The following WASF2 variants were observed in gnomAD, a reference collection of about 807,000 sequenced individuals.
WASF2 encodes the protein actin-binding protein WASF2.
A neutral mutation model predicts 45.0 loss-of-function variants in WASF2; 14 were observed. The observed-to-expected ratio is 0.31, with a 90% CI of 0.21 to 0.49. The LOEUF is 0.49. Among genes scored for constraint, WASF2 ranks in the 20% least tolerant of loss-of-function variants. WASF2 has a pLI of 0.99. For missense variants in WASF2, 439 were observed against 636.1 expected (o/e 0.69, Z 3.33); for synonymous variants, 200 against 236.3 (o/e 0.85, Z 1.41).
intron 4 of WASF2, 52 bp downstream of exon 4, chr1:27,418,217 C>A: frequency 6.4e-7 from 1 of 1,553,564 alleles, no homozygotes; most frequent in Non-Finnish European, 8.7e-7. Context: ...AAAAAAAAAT[C>A]TAGCGTTATT....
At chr1:27,453,051 C>T (rs1238178524) in intron 1 of WASF2, among the ~76,000 whole-genome samples, 2 of 149,350 alleles carry the variant, frequency 1.3e-5, no homozygotes, top group African/African-American at 4.9e-5. Flanking sequence ...ACTAAAAATA[C>T]AAAAAATTAC....
At chr1:27,413,970 AT>A (rs1197621774) in intron 6 of WASF2, among the ~76,000 whole-genome samples, 1 of 152,230 alleles carries the variant, frequency 6.6e-6, no homozygotes, top group African/African-American at 2.4e-5. Context: ...AAGTGTCAAG[AT>A]TTTTAAAAGT....
chr1:27,408,126 G>A lies in WASF2; in HGVS notation c.*63C>T. 6.3e-7 allele frequency: 1 copy of A among 1,578,062 alleles called. No individual in the cohort carries two copies. The highest frequency in any genetic ancestry group is 1.3e-5 in the African/African-American group (1 of 74,230). On this transcript the variant is annotated 3_prime_UTR_variant, in exon 9 of 9. Transcript: ENST00000618852. The stretch of plus-strand genomic sequence containing the variant: ...TTTCTCCCCCTACGGGTCTGTTGGG[G>A]TTGGCATCAAAGAAGGCAGGTAGGA...
At position 27,486,649 on chromosome 1, in the gene WASF2, C is replaced by T. The variant is rs111981963; in HGVS notation, c.-44+3337G>A. On this transcript the variant is annotated intron_variant, in intron 1 of 8. Transcript: ENST00000618852. The stretch of plus-strand genomic sequence containing the variant: ...AAATATAGCTAAAGACTCAGCTGGG[C>T]GTGGTGGCTCACGCCTGTAATCCCA... 5.5e-3 allele frequency among the ~76,000 whole-genome samples: 838 copies of T among 152,122 alleles called. 5 individuals are homozygous for T. The highest frequency in any genetic ancestry group is 0.018 in the African/African-American group (744 of 41,530).
Position 27,438,086 on chromosome 1 carries a change from A to G in WASF2, c.-43-9153T>C, listed in dbSNP as rs1418325548. ...ACCCAGAAATTTGAGATAAGAGGACAGATACAAAATGCATTCCTCTCCAAG... is the reference window on the plus strand; with the variant it reads ...ACCCAGAAATTTGAGATAAGAGGACGGATACAAAATGCATTCCTCTCCAAG... On this transcript the variant is annotated intron_variant, in intron 1 of 8. Coordinates refer to ENST00000618852, the MANE Select transcript of WASF2 (RefSeq NM_006990.5). Among the ~76,000 whole-genome samples the G allele has an allele frequency of 3.3e-5, 5 of 152,338 alleles. No individual in the cohort carries two copies. In the East Asian group the frequency reaches 9.6e-4, roughly 29 times the overall value.
intron 1 of WASF2, among the ~76,000 whole-genome samples, chr1:27,431,625 G>T (rs765554647): frequency 1.7e-4 from 26 of 152,186 alleles, no homozygotes; most frequent in Non-Finnish European, 3.1e-4. Flanking sequence ...ATGCTGTGCT[G>T]AATGTGACCA....
At chr1:27,419,622 C>T (rs896268719) in intron 2 of WASF2, among the ~76,000 whole-genome samples, 1 of 152,062 alleles carries the variant, frequency 6.6e-6, no homozygotes, top group African/African-American at 2.4e-5. Context: ...ATAAAATAAA[C>T]ACTACACATT....
At chr1:27,423,251 G>T (rs1274588987) in intron 2 of WASF2, among the ~76,000 whole-genome samples, 1 of 150,952 alleles carries the variant, frequency 6.6e-6, no homozygotes, top group African/African-American at 2.4e-5. Context: ...AGGCTGGAAT[G>T]CAATGGCACA....
intron 1 of WASF2, among the ~76,000 whole-genome samples, chr1:27,462,950 G>A (rs1301497884): frequency 1.3e-5 from 2 of 152,046 alleles, no homozygotes; most frequent in South Asian, 4.1e-4. Flanking sequence ...CTCCCAAGTA[G>A]CTGGGATTAC....
intron 1 of WASF2, among the ~76,000 whole-genome samples, chr1:27,454,925 AT>A (rs1259463971): frequency 6.6e-6 from 1 of 152,078 alleles, no homozygotes; most frequent in African/African-American, 2.4e-5. Context: ...CAGTGTTGCT[AT>A]GGATGTTTTT....
chr1:27,487,239 T>TACAGGCACCCGCCACC (rs2017942573), intron 1 of WASF2, among the ~76,000 whole-genome samples: 1 of 145,990 alleles, frequency 6.8e-6, no homozygotes, highest in South Asian at 2.1e-4. Flanking sequence ...TAGCCGGGAC[T>TACAGGCACCCGCCACC]ACAGGCACCC....
intron 2 of WASF2, among the ~76,000 whole-genome samples, chr1:27,424,867 G>A (rs1255938565): frequency 1.3e-5 from 2 of 152,128 alleles, no homozygotes; most frequent in African/African-American, 4.8e-5. Context: ...GGATAATATA[G>A]GCATGTAACG....
intron 1 of WASF2, among the ~76,000 whole-genome samples, chr1:27,463,090 A>T (rs1435651872): frequency 1.3e-5 from 2 of 152,134 alleles, no homozygotes; most frequent in Non-Finnish European, 2.9e-5. Context: ...AAATTGCTGG[A>T]AGTACAGGCA....
At chr1:27,420,197 A>T (rs529854645) in intron 2 of WASF2, among the ~76,000 whole-genome samples, 7 of 152,262 alleles carry the variant, frequency 4.6e-5, no homozygotes, top group African/African-American at 1.7e-4. Context: ...TCTAGCCACC[A>T]TGCCCGGCTT....
intron 2 of WASF2, among the ~76,000 whole-genome samples, chr1:27,422,142 T>C (rs2016916528): frequency 6.6e-6 from 1 of 151,596 alleles, no homozygotes; most frequent in African/African-American, 2.4e-5. Context: ...AGAGGCTCAG[T>C]GTGGCACAGT....
chr1:27,441,908 C>A (rs1370703570), intron 1 of WASF2, among the ~76,000 whole-genome samples: 4 of 136,530 alleles, frequency 2.9e-5, no homozygotes, highest in African/African-American at 1.1e-4. Context: ...CCTGGCGACA[C>A]AACGAGACTC....
chr1:27,425,603 C>T (rs940133641), intron 2 of WASF2, among the ~76,000 whole-genome samples: 1 of 152,104 alleles, frequency 6.6e-6, no homozygotes, highest in African/African-American at 2.4e-5. Context: ...CTCTGGGAGG[C>T]CCAGGTGGGC....
At chr1:27,431,563 G>C (rs2017063138) in intron 1 of WASF2, among the ~76,000 whole-genome samples, 1 of 152,178 alleles carries the variant, frequency 6.6e-6, no homozygotes, top group Non-Finnish European at 1.5e-5. Context: ...GTAATCATTT[G>C]AGTACTCATT....
chr1:27,482,097 G>A (rs924721501), intron 1 of WASF2, among the ~76,000 whole-genome samples: 2 of 152,100 alleles, frequency 1.3e-5, no homozygotes, highest in African/African-American at 4.8e-5. Flanking sequence ...CTATACATTT[G>A]AATTCTGTAA....
Sources: allele counts gnomAD v4.1 joint callset (sites outside exome capture counted in the v4.1 genomes callset), GRCh38; gene constraint gnomAD v4.1.1; transcripts MANE v1.5; gene names NCBI Gene and HGNC (gene_info 2026-07-23, HGNC 2026-07-21).